Variants in NUP62 observed in about 807,000 individuals in gnomAD.
The protein encoded by NUP62 is nuclear pore glycoprotein p62.
For missense variants in NUP62, 647 were observed against 689.4 expected, an observed-to-expected ratio of 0.94 and a Z score of 0.69; for synonymous variants, 305 against 303.4, an observed-to-expected ratio of 1.01 and a Z score of -0.05.
chr19:49,917,178 G>C (rs2075646980), intron 2 of NUP62, among the ~76,000 whole-genome samples: 2 of 152,186 alleles, frequency 1.3e-5, no homozygotes, highest in South Asian at 4.1e-4. Flanking sequence ...AGAAACAAGG[G>C]GAGATCAGAG....
At chr19:49,927,205 T>G (rs1219020072) in intron 2 of NUP62, among the ~76,000 whole-genome samples, 1 of 152,026 alleles carries the variant, frequency 6.6e-6, no homozygotes, top group Admixed American at 6.6e-5. Context: ...CAGGGGAAAC[T>G]GAGGCACAGG....
chr19:49,927,301 C>A (rs1467229236), intron 2 of NUP62, among the ~76,000 whole-genome samples: 1 of 152,038 alleles, frequency 6.6e-6, no homozygotes, highest in Non-Finnish European at 1.5e-5. Context: ...GAGTCTATGC[C>A]AGGTATGTAT....
At chr19:49,911,853 G>A (rs938657727) in intron 2 of NUP62, among the ~76,000 whole-genome samples, 2 of 152,212 alleles carry the variant, frequency 1.3e-5, no homozygotes, top group Non-Finnish European at 2.9e-5. Context: ...AAGAGGCCAC[G>A]GCAAGTGCCT....
chr19:49,910,142 G>A (rs45536631), intron 2 of NUP62, among the ~76,000 whole-genome samples: 8,132 of 152,152 alleles, frequency 0.053, 336 homozygotes, highest in Middle Eastern at 0.092. Context: ...TGTGGAGGAC[G>A]AGGCGGGAGA....
At chr19:49,916,706 G>A (rs1383647294) in intron 2 of NUP62, among the ~76,000 whole-genome samples, 2 of 151,562 alleles carry the variant, frequency 1.3e-5, no homozygotes, top group Non-Finnish European at 1.5e-5. Flanking sequence ...GGAGCTTGCA[G>A]TAAGCCGAGA....
In NUP62 at chr19:49,907,441, T is replaced by C; in HGVS notation, c.*798A>G. 1 of 422,952 alleles carries C rather than the reference T, an allele frequency of 2.4e-6. No individual in the cohort carries two copies. Among genetic ancestry groups the C allele is most frequent in the South Asian group, 1.7e-5 (1 of 58,556 alleles). 26.2% of individuals were successfully genotyped at this position (422,952 alleles called of 1,614,324 possible). ...AAATTCTTGATCCCGCTCTGTTCTA[T>C]TCACACTGTGCTGCTTTGCCTTGGT... On this transcript the variant is annotated 3_prime_UTR_variant, in exon 3 of 3. Transcript: ENST00000352066.
Position 49,908,766 on chromosome 19 carries a change from C to G in NUP62, c.1042G>C (p.Glu348Gln). 1.2e-6 allele frequency: 2 copies of G among 1,613,764 alleles called. No individual in the cohort carries two copies. Among genetic ancestry groups the G allele is most frequent in the Non-Finnish European group, 1.7e-6 (2 of 1,180,036 alleles). The change falls in exon 3 of 3, where the codon GAG becomes CAG. Residue 348 changes from glutamate to glutamine, a missense_variant. Coordinates refer to ENST00000352066, the MANE Select transcript of NUP62 (RefSeq NM_016553.5). Reference protein sequence around the residue: ...NKWSLELEDQERHFLQQATQV... With the variant: ...NKWSLELEDQQRHFLQQATQV... The stretch of plus-strand genomic sequence containing the variant: ...GTGGCCTGCTGGAGGAAGTGCCGCT[C>G]CTGGTCCTCTAGCTCCAGGCTCCAT...
intron 2 of NUP62, 69 bp from the exon 3 acceptor site, chr19:49,909,953 A>G: frequency 1.2e-6 from 1 of 822,090 alleles, no homozygotes; most frequent in Non-Finnish European, 2.1e-6. Flanking sequence ...ATGACTGGGC[A>G]CAGTCGGTTT....
chr19:49,929,417 C>T lies in NUP62; in HGVS notation c.-291G>A, dbSNP rs1157659056. 2.0e-5 allele frequency: 3 copies of T among 152,790 alleles called. No homozygotes were observed. Among genetic ancestry groups the T allele is most frequent in the African/African-American group, 7.2e-5 (3 of 41,460 alleles). 9.5% of individuals were successfully genotyped at this position (152,790 alleles called of 1,614,324 possible). On this transcript the variant is annotated 5_prime_UTR_variant, in exon 1 of 3. Transcript: ENST00000352066. ...AGCCATGGAGTGAGTAACCGCTTACCTCTTCTCCAACTGCCTTTCCCGCCC... is the reference window on the plus strand; with the variant it reads ...AGCCATGGAGTGAGTAACCGCTTACTTCTTCTCCAACTGCCTTTCCCGCCC...
chr19:49,914,888 C>CA (rs765150098), intron 2 of NUP62, among the ~76,000 whole-genome samples: 285 of 151,740 alleles, frequency 1.9e-3, no homozygotes, highest in Non-Finnish European at 3.1e-3. Context: ...TACAGGCGTG[C>CA]ACCACCATGC....
In NUP62 at chr19:49,907,371, C is replaced by T. The variant is rs577315096; in HGVS notation, c.*868G>A. The T allele has an allele frequency of 3.0e-6, 1 of 336,684 alleles. No homozygotes were observed. The highest frequency in any genetic ancestry group is 4.5e-5 in the Admixed American group (1 of 22,424). 20.9% of individuals were successfully genotyped at this position (336,684 alleles called of 1,614,324 possible). A position where few individuals can be genotyped will look rare whatever the true frequency, so the allele number is the denominator to read the frequency against. On this transcript the variant is annotated 3_prime_UTR_variant, in exon 3 of 3. Transcript: ENST00000352066. Reference sequence around the variant, plus strand: ...CTCTCGGCGCCCATCTGTGGTTCCTCAACACCCTGTGTGTGCAGGCCCCTC... The same window carrying T: ...CTCTCGGCGCCCATCTGTGGTTCCTTAACACCCTGTGTGTGCAGGCCCCTC...
In NUP62 at chr19:49,925,091, G is replaced by A. The variant is rs189319907; in HGVS notation, c.-78+2603C>T. On this transcript the variant is annotated intron_variant, in intron 2 of 2. Coordinates refer to ENST00000352066, the MANE Select transcript of NUP62 (RefSeq NM_016553.5). ...AGCCTGACCAACATGGAGAAACCCC[G>A]TCTCTACTAAAAATACAAAATTAGC... Among the ~76,000 whole-genome samples, 9 of 151,936 alleles carry A rather than the reference G, an allele frequency of 5.9e-5. No individual in the cohort carries two copies. The East Asian group carries it at 1.4e-3, about 23-fold the overall frequency.
Position 49,921,177 on chromosome 19 carries a change from C to T in NUP62, c.-78+6517G>A, listed in dbSNP as rs912412581. 1.3e-5 allele frequency among the ~76,000 whole-genome samples: 2 copies of T among 152,138 alleles called. No individual in the cohort carries two copies. Reference sequence around the variant, plus strand: ...ACTTAACTTTCCCCCAGCAATGTGACGAAGCGAAACTATCATGGCTCCCAT... The same window carrying T: ...ACTTAACTTTCCCCCAGCAATGTGATGAAGCGAAACTATCATGGCTCCCAT... On this transcript the variant is annotated intron_variant, in intron 2 of 2. Transcript: ENST00000352066. The surrounding 1 kb of genome is among the most constrained non-coding windows in gnomAD (Gnocchi z 5.4).
chr19:49,924,457 C>T (rs900507186), intron 2 of NUP62, among the ~76,000 whole-genome samples: 23 of 152,206 alleles, frequency 1.5e-4, no homozygotes, highest in Non-Finnish European at 4.4e-5. Context: ...CCCGAACTCC[C>T]CGTCCCCGTC....
At chr19:49,922,970 C>T (rs2075799685) in intron 2 of NUP62, among the ~76,000 whole-genome samples, 1 of 152,190 alleles carries the variant, frequency 6.6e-6, no homozygotes, top group African/African-American at 2.4e-5. Context: ...ATGAGGTGAC[C>T]ACAGGTCGGG....
At chr19:49,918,905 G>A (rs1381640840) in intron 2 of NUP62, among the ~76,000 whole-genome samples, 5 of 147,662 alleles carry the variant, frequency 3.4e-5, no homozygotes, top group Admixed American at 1.4e-4. Flanking sequence ...TGGGGGGGGG[G>A]GGGCGGGGTG....
chr19:49,908,353 C>A lies in NUP62; in HGVS notation c.1455G>T (p.Leu485=). The A allele has an allele frequency of 2.5e-6, 4 of 1,614,206 alleles. No homozygotes were observed. The highest frequency in any genetic ancestry group is 3.4e-6 in the Non-Finnish European group (4 of 1,180,042). ...CKILNAHMDS[L]QWIDQNSALL... is the part of the protein sequence containing the mutation. Reference sequence around the variant, plus strand: ...GGGCCGAGTTCTGGTCGATCCACTGCAGTGAGTCCATGTGCGCATTGAGGA... The same window carrying A: ...GGGCCGAGTTCTGGTCGATCCACTGAAGTGAGTCCATGTGCGCATTGAGGA... Residue 485 remains leucine (L), a synonymous_variant, in exon 3 of 3, where the codon CTG becomes CTT. Coordinates refer to ENST00000352066, the MANE Select transcript of NUP62 (RefSeq NM_016553.5).
chr19:49,916,081 C>T (rs2075615904), intron 2 of NUP62, among the ~76,000 whole-genome samples: 1 of 152,220 alleles, frequency 6.6e-6, no homozygotes, highest in Non-Finnish European at 1.5e-5. Context: ...CTGCAGCACA[C>T]CGAGCCCTTC....
Position 49,907,319 on chromosome 19 carries a change from T to C in NUP62, c.*920A>G. On this transcript the variant is annotated 3_prime_UTR_variant, in exon 3 of 3. Transcript: ENST00000352066. ...GAGGAGGTGAGGCCCAAGGTGGGGG[T>C]GAGCCTGGGCCAGGCAAAAGGCAGG... 9.7e-6 allele frequency: 3 copies of C among 309,036 alleles called. No individual in the cohort carries two copies. The highest frequency in any genetic ancestry group is 1.9e-5 in the Non-Finnish European group (3 of 159,900). The allele number at this position is 309,036 out of a possible 1,614,324, so 19.1% of individuals were successfully genotyped here. A position where few individuals can be genotyped will look rare whatever the true frequency, so the allele number is the denominator to read the frequency against.
Sources: allele counts gnomAD v4.1 joint callset (sites outside exome capture counted in the v4.1 genomes callset), GRCh38; gene constraint gnomAD v4.1.1; non-coding constraint Gnocchi (gnomAD v3.1); transcripts MANE v1.5; gene names NCBI Gene and HGNC (gene_info 2026-07-23, HGNC 2026-07-21).